DYNLT2B: variants seen among roughly 807,000 people sequenced by gnomAD.
DYNLT2B encodes dynein light chain Tctex-type protein 2B.
A neutral mutation model predicts 19.5 loss-of-function variants in DYNLT2B; 14 were observed. The observed-to-expected ratio is 0.72, with a 90% CI of 0.47 to 1.12. The LOEUF (loss-of-function observed/expected upper bound fraction) is 1.12. Among genes scored for constraint, DYNLT2B ranks in the 50% most tolerant of loss-of-function variants. The pLI is 0.00. For missense variants in DYNLT2B, 133 were observed against 174.7 expected (o/e 0.76, Z 1.35); for synonymous variants, 70 against 59.7 (o/e 1.17, Z -0.79).
rs533325642 is a variant in DYNLT2B, at chr3:196,302,047, C to T, written c.317+4896G>A. Among the ~76,000 whole-genome samples the T allele has an allele frequency of 4.6e-5, 7 of 151,952 alleles. No homozygotes were observed. In the East Asian group the frequency reaches 5.8e-4, roughly 13 times the overall value. The stretch of plus-strand genomic sequence containing the variant: ...GCTTAAACCCAGGAGGTGAAGGTTG[C>T]GATGAGTCGAGATCACACCACTGCA... On this transcript the variant is annotated intron_variant, in intron 3 of 4. Transcript: ENST00000325318.
intron 1 of DYNLT2B, among the ~76,000 whole-genome samples, chr3:196,317,061 T>G (rs148266510): frequency 0.071 from 5,111 of 71,972 alleles, 630 homozygotes; most frequent in South Asian, 0.13. Flanking sequence ...GGTGTGTGTG[T>G]GGTGTGTGTG....
intron 3 of DYNLT2B, among the ~76,000 whole-genome samples, chr3:196,300,902 T>TA (rs1479214179): frequency 6.6e-6 from 1 of 150,816 alleles, no homozygotes; most frequent in Admixed American, 6.6e-5. Context: ...AACAAAAACA[T>TA]ACAAAAATTA....
chr3:196,309,821 C>A (rs915341741), intron 2 of DYNLT2B, among the ~76,000 whole-genome samples: 3 of 151,372 alleles, frequency 2.0e-5, no homozygotes, highest in Admixed American at 2.0e-4. Context: ...TGGTGGTGCA[C>A]GCCTGTAATC....
intron 2 of DYNLT2B, among the ~76,000 whole-genome samples, chr3:196,312,976 C>T (rs1310543785): frequency 3.3e-5 from 5 of 151,906 alleles, no homozygotes; most frequent in Non-Finnish European, 2.9e-5. Flanking sequence ...GAAATCACAC[C>T]GCTGCACTCC....
At chr3:196,317,472 T>G in intron 1 of DYNLT2B, among the ~76,000 whole-genome samples, 1 of 38,046 alleles carries the variant, frequency 2.6e-5, no homozygotes, top group Non-Finnish European at 5.7e-5. Context: ...TTTTTTTCAG[T>G]GTGTGTGTGT....
rs572360636 is a variant in DYNLT2B at position 196,315,987 on chromosome 3, G to C, written c.247+111C>G. ...GCTAAAGTGTTGGGATTGTAGGCGT[G>C]AGCCACCACACCTGGCCCCAATGTC... On this transcript the variant is annotated intron_variant, in intron 2 of 4. Coordinates refer to ENST00000325318, the MANE Select transcript of DYNLT2B (RefSeq NM_152773.5). 5 of 1,227,388 alleles carry C rather than the reference G, an allele frequency of 4.1e-6. No individual in the cohort carries two copies. In the South Asian group the frequency reaches 7.7e-5, roughly 19 times the overall value. 76.0% of individuals were successfully genotyped at this position (1,227,388 alleles called of 1,614,324 possible). A position where few individuals can be genotyped will look rare whatever the true frequency, so the allele number is the denominator to read the frequency against.
chr3:196,297,522 C>T (rs1018907256), intron 3 of DYNLT2B, among the ~76,000 whole-genome samples: 22 of 148,954 alleles, frequency 1.5e-4, no homozygotes, highest in Non-Finnish European at 2.7e-4. Flanking sequence ...GAGACTCTGT[C>T]TCAAAAACTA....
chr3:196,316,261 C>T lies in DYNLT2B; in HGVS notation c.114-30G>A, dbSNP rs199821393. On this transcript the variant is annotated intron_variant, in intron 1 of 4. Coordinates refer to ENST00000325318, the MANE Select transcript of DYNLT2B (RefSeq NM_152773.5). ...ATGGAACAATTTGTGAACATCCAGT[C>T]GGTGACTCCACAACCCCAGCTTACC... is the stretch of plus-strand genomic sequence containing the variant. The T allele has an allele frequency of 1.3e-4, 204 of 1,588,346 alleles. 1 individual carries two copies. In the African/African-American group the frequency reaches 1.6e-3, roughly 13 times the overall value.
intron 3 of DYNLT2B, 190 bp from the exon 4 acceptor site, chr3:196,296,259 T>C: frequency 1.9e-6 from 1 of 536,660 alleles, no homozygotes; most frequent in Non-Finnish European, 3.3e-6. Context: ...GAAACTAGAG[T>C]CAGATGAAGC....
At chr3:196,294,020 T>C (rs1726162089) in intron 4 of DYNLT2B, among the ~76,000 whole-genome samples, 1 of 151,920 alleles carries the variant, frequency 6.6e-6, no homozygotes, top group African/African-American at 2.4e-5. Context: ...CTTCCCACTG[T>C]CCAGCCCCTG....
chr3:196,295,319 C>G lies in DYNLT2B; in HGVS notation c.381+687G>C, dbSNP rs1232163854. ...GGGATTACAGGTGCCCGCCACCATG[C>G]TCGGCTAATTTTTATATTTTTAGTA... On this transcript the variant is annotated intron_variant, in intron 4 of 4. Coordinates refer to ENST00000325318, the MANE Select transcript of DYNLT2B (RefSeq NM_152773.5). 3.3e-5 allele frequency among the ~76,000 whole-genome samples: 5 copies of G among 152,112 alleles called. No homozygotes were observed. The South Asian group carries it at 6.2e-4, about 19-fold the overall frequency.
intron 3 of DYNLT2B, among the ~76,000 whole-genome samples, chr3:196,297,710 C>T (rs142577147): frequency 7.9e-5 from 12 of 152,174 alleles, no homozygotes; most frequent in African/African-American, 2.6e-4. Flanking sequence ...TAATTTTACC[C>T]ATTTAGTGAA....
At chr3:196,294,078 G>A (rs182897711) in intron 4 of DYNLT2B, among the ~76,000 whole-genome samples, 7 of 152,096 alleles carry the variant, frequency 4.6e-5, no homozygotes, top group South Asian at 2.1e-4. Context: ...GGGGCTGGGC[G>A]CAGTGGCTCA....
chr3:196,311,796 C>T (rs1726652192), intron 2 of DYNLT2B, among the ~76,000 whole-genome samples: 1 of 152,082 alleles, frequency 6.6e-6, no homozygotes, highest in Non-Finnish European at 1.5e-5. Flanking sequence ...AAGCAATTCT[C>T]CTGTCTCAGC....
At chr3:196,304,851 T>G (rs1402432467) in intron 3 of DYNLT2B, among the ~76,000 whole-genome samples, 1 of 152,090 alleles carries the variant, frequency 6.6e-6, no homozygotes, top group Non-Finnish European at 1.5e-5. Context: ...CAATGGAAAC[T>G]AGAAGACAAG....
chr3:196,316,109 T>C lies in DYNLT2B; in HGVS notation c.236A>G (p.Asp79Gly), dbSNP rs1260136502. The change falls in exon 2 of 5, where the codon GAT becomes GGT. Residue 79 changes from aspartate to glycine, a missense_variant. Coordinates refer to ENST00000325318, the MANE Select transcript of DYNLT2B (RefSeq NM_152773.5). ...LTKHLSENIK[D>G]KLKEMGFDRY... Reference sequence around the variant, plus strand: ...ATCACCATGATTACCTTTTAATTTATCTTTAATGTTTTCTGATAAATGTTT... The same window carrying C: ...ATCACCATGATTACCTTTTAATTTACCTTTAATGTTTTCTGATAAATGTTT... 6.2e-7 allele frequency: 1 copy of C among 1,613,432 alleles called. No homozygotes were observed.
At chr3:196,299,424 T>C (rs899000916) in intron 3 of DYNLT2B, among the ~76,000 whole-genome samples, 3 of 151,812 alleles carry the variant, frequency 2.0e-5, no homozygotes, top group Non-Finnish European at 1.5e-5. Flanking sequence ...GGTTTCACCA[T>C]ATTGCCCAGG....
chr3:196,304,506 G>T (rs1168072135), intron 3 of DYNLT2B, among the ~76,000 whole-genome samples: 1 of 151,878 alleles, frequency 6.6e-6, no homozygotes, highest in Non-Finnish European at 1.5e-5. Flanking sequence ...AACCTGGCTG[G>T]GTGCAGTGGC....
intron 2 of DYNLT2B, chr3:196,315,266 C>CT (rs34104361): frequency 0.033 from 12,166 of 369,196 alleles, 35 homozygotes; most frequent in African/African-American, 0.046. Flanking sequence ...TTTTATTTTG[C>CT]TTTTTTTTTT....
Sources: gnomAD v4.1 joint callset for allele counts (sites outside exome capture counted in the v4.1 genomes callset) on GRCh38, gnomAD v4.1.1 for gene constraint, MANE v1.5 for transcripts, NCBI Gene and HGNC (gene_info 2026-07-23, HGNC 2026-07-21) for gene names.